Variants in AFAP1L2 observed in about 807,000 individuals in gnomAD.
The protein encoded by AFAP1L2 is actin filament associated protein 1 like 2.
A neutral mutation model predicts 99.3 loss-of-function variants in AFAP1L2; 46 were observed. The observed-to-expected ratio is 0.46, with a 90% CI of 0.37 to 0.59. The LOEUF (loss-of-function observed/expected upper bound fraction) is 0.59, where lower values mean the gene tolerates loss of function less well. Ranked by LOEUF, AFAP1L2 falls within the 20% of genes least tolerant of loss-of-function variation. The pLI is 0.00. For missense variants in AFAP1L2, 959 were observed against 1,034.9 expected, an observed-to-expected ratio of 0.93 and a Z score of 1.01; for synonymous variants, 397 against 419.1, an observed-to-expected ratio of 0.95 and a Z score of 0.64.
chr10:114,390,909 C>T, intron 1 of AFAP1L2, among the ~76,000 whole-genome samples: 1 of 152,104 alleles, frequency 6.6e-6, no homozygotes, highest in East Asian at 1.9e-4. Context: ...CTAAAGAAGC[C>T]CAGGCATTTC....
intron 16 of AFAP1L2, among the ~76,000 whole-genome samples, 161 bp downstream of exon 16, chr10:114,299,099 G>T (rs949083643): frequency 6.6e-5 from 10 of 152,178 alleles, no homozygotes; most frequent in African/African-American, 1.7e-4. Context: ...AGACAGGATT[G>T]GAAGAAAGGA....
chr10:114,345,161 G>A (rs1227079045), intron 1 of AFAP1L2, among the ~76,000 whole-genome samples: 1 of 149,440 alleles, frequency 6.7e-6, no homozygotes, highest in Admixed American at 6.7e-5. Flanking sequence ...AGCCCTGAAA[G>A]TACATGTGTT....
chr10:114,348,576 A>T (rs79317183), intron 1 of AFAP1L2, among the ~76,000 whole-genome samples: 2,461 of 152,342 alleles, frequency 0.016, 32 homozygotes, highest in Non-Finnish European at 0.024. Flanking sequence ...ACAGAACAGC[A>T]GTTCCTGCTT....
rs1356594318 is a variant in AFAP1L2, at chr10:114,295,892, C to T, written c.*150G>A. 1 of 1,536,528 alleles carries T rather than the reference C, an allele frequency of 6.5e-7. No homozygotes were observed. Among genetic ancestry groups the T allele is most frequent in the African/African-American group, 1.4e-5 (1 of 72,866 alleles). On this transcript the variant is annotated 3_prime_UTR_variant, in exon 19 of 19. Coordinates refer to ENST00000304129, the MANE Select transcript of AFAP1L2 (RefSeq NM_001001936.3). Reference sequence around the variant, plus strand: ...TTGGCTCTGAAAAGGGACAGAGCCTCCTCTTAGCTGAAGCTCTCCATTCAC... The same window carrying T: ...TTGGCTCTGAAAAGGGACAGAGCCTTCTCTTAGCTGAAGCTCTCCATTCAC...
chr10:114,360,562 T>C (rs557092312), intron 1 of AFAP1L2, among the ~76,000 whole-genome samples: 12,492 of 148,248 alleles, frequency 0.084, 1,450 homozygotes, highest in African/African-American at 0.27. Context: ...GATAGATAGA[T>C]AGACGGACAG....
intron 1 of AFAP1L2, among the ~76,000 whole-genome samples, chr10:114,398,460 G>A (rs2057933336): frequency 6.6e-6 from 1 of 152,220 alleles, no homozygotes; most frequent in African/African-American, 2.4e-5. Context: ...GAAAAGGCAG[G>A]AACTGGTGGG....
intron 15 of AFAP1L2, 43 bp downstream of exon 15, chr10:114,300,151 C>T: frequency 1.2e-6 from 2 of 1,613,462 alleles, no homozygotes; most frequent in Non-Finnish European, 1.7e-6. Context: ...AGAACCCTGA[C>T]TAATACAGAT....
intron 1 of AFAP1L2, among the ~76,000 whole-genome samples, chr10:114,379,788 C>G (rs72826933): frequency 2.6e-5 from 4 of 152,280 alleles, no homozygotes; most frequent in Non-Finnish European, 4.4e-5. Context: ...TTTGATAAGT[C>G]TGATGATATG....
chr10:114,338,387 A>G (rs1008262704), intron 2 of AFAP1L2, among the ~76,000 whole-genome samples: 1 of 152,166 alleles, frequency 6.6e-6, no homozygotes, highest in Non-Finnish European at 1.5e-5. Context: ...ATAAAAATCA[A>G]CTCAACTGTT....
At chr10:114,397,008 C>T (rs2057782942) in intron 1 of AFAP1L2, among the ~76,000 whole-genome samples, 3 of 152,156 alleles carry the variant, frequency 2.0e-5, no homozygotes, top group African/African-American at 7.2e-5. Context: ...GACTCAGTTG[C>T]TAATTACAAC....
intron 16 of AFAP1L2, among the ~76,000 whole-genome samples, chr10:114,298,507 T>G (rs1168765087): frequency 6.6e-6 from 1 of 152,128 alleles, no homozygotes; most frequent in Non-Finnish European, 1.5e-5. Context: ...AGCACAAAGT[T>G]ACTCCATGAA....
intron 1 of AFAP1L2, among the ~76,000 whole-genome samples, chr10:114,365,517 G>A (rs1256604590): frequency 1.3e-5 from 2 of 152,094 alleles, no homozygotes; most frequent in Non-Finnish European, 2.9e-5. Context: ...ATCAGGTTGA[G>A]AAAGATAATC....
chr10:114,395,385 C>T (rs2057585301), intron 1 of AFAP1L2, among the ~76,000 whole-genome samples: 1 of 152,154 alleles, frequency 6.6e-6, no homozygotes. Context: ...CCCAGTAGGT[C>T]CCAGCTCTGA....
At chr10:114,303,730 C>T (rs1188776032) in intron 11 of AFAP1L2, among the ~76,000 whole-genome samples, 1 of 152,144 alleles carries the variant, frequency 6.6e-6, no homozygotes, top group African/African-American at 2.4e-5. Flanking sequence ...CCCTCCGATC[C>T]ACTCCCACCC....
intron 10 of AFAP1L2, among the ~76,000 whole-genome samples, chr10:114,306,602 G>C (rs1460693090): frequency 6.6e-6 from 1 of 152,002 alleles, no homozygotes; most frequent in African/African-American, 2.4e-5. Context: ...TTAACACAAA[G>C]TGGAAGAATT....
intron 1 of AFAP1L2, among the ~76,000 whole-genome samples, chr10:114,395,693 T>C (rs1224880108): frequency 6.6e-6 from 1 of 152,066 alleles, no homozygotes; most frequent in East Asian, 1.9e-4. Context: ...GCTAAGACAG[T>C]CCCCTAAACC....
At chr10:114,289,542 C>G in the AFAP1L2 span, 1 of 1,596,932 alleles carries the variant, frequency 6.3e-7, no homozygotes, top group Non-Finnish European at 8.6e-7. Context: ...GGCCCTCAGC[C>G]TGAGCCTTCA....
At position 114,302,474 on chromosome 10, in the gene AFAP1L2, G is replaced by A; in HGVS notation, c.1295C>T (p.Ser432Phe). ...ACCCAGCCAGTGGCCCATTTCCTCGGAAGACTTGGCCTGGAACGAGGCCAA... is the reference window on the plus strand; with the variant it reads ...ACCCAGCCAGTGGCCCATTTCCTCGAAAGACTTGGCCTGGAACGAGGCCAA... ...EELAKLEAKS[S>F]EEMGHWLGLL... The change falls in exon 12 of 19, where the codon TCC (serine) becomes TTC (phenylalanine). Residue 432 changes from serine to phenylalanine, a missense_variant. Physicochemically the swap from Ser to Phe is radical, Grantham distance 155 (BLOSUM62 -2). Coordinates refer to ENST00000304129, the MANE Select transcript of AFAP1L2 (RefSeq NM_001001936.3). The A allele has an allele frequency of 6.2e-7, 1 of 1,614,036 alleles. No homozygotes were observed. The highest frequency in any genetic ancestry group is 8.5e-7 in the Non-Finnish European group (1 of 1,180,006).
At chr10:114,281,116 C>G in the AFAP1L2 span, 6 of 152,312 alleles carry the variant, frequency 3.9e-5, no homozygotes, top group African/African-American at 1.2e-4. Flanking sequence ...AAGACCCTGC[C>G]CTAGAGGAGC....
Sources: allele counts gnomAD v4.1 joint callset (sites outside exome capture counted in the v4.1 genomes callset), GRCh38; gene constraint gnomAD v4.1.1; transcripts MANE v1.5; gene names NCBI Gene and HGNC (gene_info 2026-07-23, HGNC 2026-07-21).